Variants in BCO1 observed in about 807,000 individuals in gnomAD.
BCO1 encodes beta,beta-carotene 15,15'-dioxygenase.
Under a neutral mutation model 56.3 loss-of-function variants are expected in BCO1, and 54 were observed. That is an observed-to-expected ratio of 0.96 (90% CI 0.77 to 1.20). The LOEUF is 1.20. Ranked by LOEUF, BCO1 falls within the 50% of genes most tolerant of loss-of-function variation. The probability of loss-of-function intolerance (pLI) is 0.00; values close to 1 mark genes in which losing one functional copy is unlikely to be tolerated. For missense variants in BCO1, 801 were observed against 690.9 expected, an observed-to-expected ratio of 1.16 and a Z score of -1.79; for synonymous variants, 318 against 266.1, an observed-to-expected ratio of 1.20 and a Z score of -1.90.
chr16:81,241,322 A>T (rs905941251), intron 1 of BCO1, among the ~76,000 whole-genome samples: 1 of 151,938 alleles, frequency 6.6e-6, no homozygotes, highest in Non-Finnish European at 1.5e-5. Flanking sequence ...CCAAAAGAAA[A>T]CAAAAAGGCA....
intron 9 of BCO1, among the ~76,000 whole-genome samples, chr16:81,286,203 C>G (rs968774125): frequency 5.3e-5 from 8 of 152,152 alleles, no homozygotes; most frequent in Non-Finnish European, 8.8e-5. Context: ...GCTTCTTAAG[C>G]TACCATTTGT....
In BCO1 at chr16:81,245,578, G is replaced by C; in HGVS notation, c.168G>C (p.Leu56=). ...ACCATTGGTTCGACGGCCTTGCCCT[G>C]CTCCACAGCTTCACCATCAGAGACG... ...RYNHWFDGLA[L]LHSFTIRDGE... is the part of the protein sequence containing the mutation. Residue 56 remains leucine, a synonymous_variant, in exon 2 of 11, where the codon CTG becomes CTC. Transcript: ENST00000258168. The C allele has an allele frequency of 1.2e-6, 2 of 1,614,184 alleles. No homozygotes were observed. The highest frequency in any genetic ancestry group is 1.7e-5 in the Admixed American group (1 of 60,024).
chr16:81,290,471 T>C lies in BCO1; in HGVS notation c.1538T>C (p.Leu513Pro). ...ASVDVDMHMDLHGLFITDMDW... is the reference protein window; with the variant it reads ...ASVDVDMHMDPHGLFITDMDW... ...GTTGATGTCGATATGCACATGGATC[T>C]CCATGGATTATTCATTACAGACATG... is the stretch of plus-strand genomic sequence containing the variant. The change falls in exon 11 of 11, where the codon CTC becomes CCC. Residue 513 changes from leucine (L) to proline (P), a missense_variant. Physicochemically the swap from Leu to Pro is moderately conservative, Grantham distance 98 (BLOSUM62 -3). Transcript: ENST00000258168. The C allele has an allele frequency of 1.2e-6, 2 of 1,614,206 alleles. No individual in the cohort carries two copies. The highest frequency in any genetic ancestry group is 1.7e-6 in the Non-Finnish European group (2 of 1,180,044).
At position 81,245,481 on chromosome 16, in the gene BCO1, T is replaced by C. The variant is rs759437372; in HGVS notation, c.71T>C (p.Ile24Thr). The C allele has an allele frequency of 1.2e-6, 2 of 1,614,224 alleles. No homozygotes were observed. Among genetic ancestry groups the C allele is most frequent in the South Asian group, 2.2e-5 (2 of 91,086 alleles). The stretch of plus-strand genomic sequence containing the variant: ...ACATTCTCTCTTTTCTCAGGCAAGA[T>C]TCCAGCATGGCTGCAGGGAACCCTG... ...EPVRAKVTGKIPAWLQGTLLR... is the reference protein window; with the variant it reads ...EPVRAKVTGKTPAWLQGTLLR... Residue 24 changes from isoleucine to threonine, a missense_variant, in exon 2 of 11, where the codon ATT (isoleucine) becomes ACT (threonine). By Grantham distance (89) the Ile-to-Thr change is moderately conservative (BLOSUM62 -1). Coordinates refer to ENST00000258168, the MANE Select transcript of BCO1 (RefSeq NM_017429.3).
chr16:81,266,890 C>T (rs931001898), intron 5 of BCO1, among the ~76,000 whole-genome samples: 1 of 152,172 alleles, frequency 6.6e-6, no homozygotes, highest in East Asian at 1.9e-4. Context: ...CGATAACTAT[C>T]CCACAACCCC....
chr16:81,290,961 G>A lies in BCO1; in HGVS notation c.*384G>A, dbSNP rs1289902683. 1 of 186,230 alleles carries A rather than the reference G, an allele frequency of 5.4e-6. No homozygotes were observed. Among genetic ancestry groups the A allele is most frequent in the East Asian group, 1.3e-4 (1 of 7,478 alleles). 11.5% of individuals were successfully genotyped at this position (186,230 alleles called of 1,614,324 possible). A position where few individuals can be genotyped will look rare whatever the true frequency, so the allele number is the denominator to read the frequency against. ...ATTATTTATCATTGTGCCTTCCTCT[G>A]TCTCTTTCTCTTTCCTTTGCTCCCT... On this transcript the variant is annotated 3_prime_UTR_variant, in exon 11 of 11. Coordinates refer to ENST00000258168, the MANE Select transcript of BCO1 (RefSeq NM_017429.3).
chr16:81,250,924 T>G (rs1312815406), intron 2 of BCO1, among the ~76,000 whole-genome samples: 1 of 152,130 alleles, frequency 6.6e-6, no homozygotes, highest in Non-Finnish European at 1.5e-5. Context: ...AGGGCTTGAG[T>G]GCATCATAGT....
chr16:81,276,753 T>A (rs1907580438), intron 7 of BCO1, among the ~76,000 whole-genome samples: 1 of 152,136 alleles, frequency 6.6e-6, no homozygotes, highest in African/African-American at 2.4e-5. Context: ...AATTTTTAAT[T>A]TTACTTAAGC....
intron 6 of BCO1, 44 bp downstream of exon 6, chr16:81,268,175 A>G (rs760814559): frequency 6.4e-7 from 1 of 1,552,196 alleles, no homozygotes; most frequent in Non-Finnish European, 8.8e-7. Flanking sequence ...CTGGCTGACC[A>G]TGGAGGGAGG....
At chr16:81,274,387 C>A (rs1277299299) in intron 7 of BCO1, among the ~76,000 whole-genome samples, 5 of 151,728 alleles carry the variant, frequency 3.3e-5, no homozygotes, top group African/African-American at 1.2e-4. Flanking sequence ...CCTCAGCCTC[C>A]CTAGTGGCTG....
At chr16:81,270,128 A>T in intron 6 of BCO1, 31 bp from the exon 7 acceptor site, 1 of 1,613,616 alleles carries the variant, frequency 6.2e-7, no homozygotes, top group Non-Finnish European at 8.5e-7. Flanking sequence ...AGAGAGGGTG[A>T]GCTGAGCCCT....
intron 8 of BCO1, among the ~76,000 whole-genome samples, chr16:81,284,480 A>G (rs1018568842): frequency 6.6e-6 from 1 of 152,128 alleles, no homozygotes; most frequent in Non-Finnish European, 1.5e-5. Flanking sequence ...CGGAGATACA[A>G]TAATTCTATA....
At chr16:81,280,728 C>A in intron 7 of BCO1, 129 bp from the exon 8 acceptor site, 2 of 722,276 alleles carry the variant, frequency 2.8e-6, no homozygotes, top group Non-Finnish European at 2.4e-6. Context: ...GAGCTGCTTC[C>A]TATGATTAAT....
intron 1 of BCO1, 54 bp from the exon 2 acceptor site, chr16:81,245,421 A>G: frequency 6.2e-7 from 1 of 1,613,932 alleles, no homozygotes; most frequent in Non-Finnish European, 8.5e-7. Context: ...CATTTCTTCC[A>G]GCATTTTGGT....
At position 81,246,837 on chromosome 16, in the gene BCO1, C is replaced by T. The variant is rs559536057; in HGVS notation, c.193+1234C>T. On this transcript the variant is annotated intron_variant, in intron 2 of 10. Transcript: ENST00000258168. ...CTGCACTCCAGCCTGGGAGACAGAG[C>T]CAGACTTTGTCTCAAAAAAAAAAAA... is the stretch of plus-strand genomic sequence containing the variant. Among the ~76,000 whole-genome samples, 259 of 99,112 alleles carry T rather than the reference C, an allele frequency of 2.6e-3. 1 individual carries two copies. The highest frequency in any genetic ancestry group is 8.0e-3 in the African/African-American group (242 of 30,206). The allele number at this position is 99,112 out of a possible 152,430, so 65.0% of individuals were successfully genotyped here. A position where few individuals can be genotyped will look rare whatever the true frequency, so the allele number is the denominator to read the frequency against.
intron 2 of BCO1, among the ~76,000 whole-genome samples, chr16:81,258,805 T>G (rs1040045601): frequency 2.6e-5 from 4 of 152,006 alleles, no homozygotes; most frequent in Admixed American, 2.6e-4. Context: ...AGAAAAGAGG[T>G]TTATTTGGCT....
At chr16:81,276,603 T>G (rs1907571957) in intron 7 of BCO1, among the ~76,000 whole-genome samples, 1 of 152,012 alleles carries the variant, frequency 6.6e-6, no homozygotes, top group East Asian at 1.9e-4. Flanking sequence ...CTCTAAGGAG[T>G]CCTGGGGTTC....
In BCO1 at chr16:81,277,121, A is replaced by G. The variant is rs1383571176; in HGVS notation, c.1102-3736A>G. 3.9e-5 allele frequency among the ~76,000 whole-genome samples: 6 copies of G among 151,980 alleles called. No homozygotes were observed. The East Asian group carries it at 1.2e-3, about 29-fold the overall frequency. On this transcript the variant is annotated intron_variant, in intron 7 of 10. Coordinates refer to ENST00000258168, the MANE Select transcript of BCO1 (RefSeq NM_017429.3). ...TAAAATTAAATTTAAATCGCAACAT[A>G]TGGCTAGCGATTGCCGTTTGGGACA...
intron 5 of BCO1, among the ~76,000 whole-genome samples, chr16:81,267,367 C>G (rs759333931): frequency 1.3e-5 from 2 of 152,182 alleles, no homozygotes; most frequent in Non-Finnish European, 2.9e-5. Context: ...AATCCCAGCA[C>G]TTTGGGAGGC....
Sources: allele counts gnomAD v4.1 joint callset (sites outside exome capture counted in the v4.1 genomes callset), GRCh38; gene constraint gnomAD v4.1.1; transcripts MANE v1.5; gene names NCBI Gene and HGNC (gene_info 2026-07-23, HGNC 2026-07-21).